The following ABCA13 variants were observed in gnomAD, a reference collection of about 807,000 sequenced individuals.
ABCA13 encodes ATP binding cassette subfamily A member 13, also known as ATP-binding cassette sub-family A member 13.
In ABCA13, 476 loss-of-function variants were observed where a neutral mutation model predicts 478.7. The ratio of observed to expected loss-of-function variants is 0.99; its 90% CI spans 0.92 to 1.07. ABCA13 has a LOEUF of 1.07. Among genes scored for constraint, ABCA13 ranks in the 50% least tolerant of loss-of-function variants. ABCA13 has a pLI of 0.00. For missense variants in ABCA13, 6,060 were observed against 5,910.6 expected (o/e 1.03, Z -0.83); for synonymous variants, 2,252 against 2,158.9 (o/e 1.04, Z -1.20).
Position 48,249,240 on chromosome 7 carries a change from T to G in ABCA13, c.1894T>G (p.Phe632Val). 1.2e-6 allele frequency: 2 copies of G among 1,612,342 alleles called. No homozygotes were observed. The highest frequency in any genetic ancestry group is 1.7e-6 in the Non-Finnish European group (2 of 1,179,034). The change falls in exon 15 of 62, where the codon TTT (phenylalanine) becomes GTT (valine). Residue 632 changes from phenylalanine to valine, a missense_variant. Around this residue, in one of 3 missense-constraint regions of ABCA13, gnomAD observed 4,423 missense variants for 4,309.1 expected, o/e 1.03. Coordinates refer to ENST00000435803, the MANE Select transcript of ABCA13 (RefSeq NM_152701.5). ...ATTTCATACACTTGAAAAAACACAA[T>G]TTTTCCTGGAACAAGCATATTATTG... ...VIFHTLEKTQFFLEQAYYWKA... is the reference protein window; with the variant it reads ...VIFHTLEKTQVFLEQAYYWKA...
Position 48,189,050 on chromosome 7 carries a change from A to G in ABCA13, c.70-3909A>G, listed in dbSNP as rs571954087. Among the ~76,000 whole-genome samples, 13 of 152,106 alleles carry G rather than the reference A, an allele frequency of 8.5e-5. No homozygotes were observed. The South Asian group carries it at 2.7e-3, about 32-fold the overall frequency. ...CTGCTAATAGGTTTACCAGACGGTT[A>G]TTTTTCTTGAGAGGAGAGCCTGTGG... On this transcript the variant is annotated intron_variant, in intron 1 of 61. Transcript: ENST00000435803.
intron 35 of ABCA13, among the ~76,000 whole-genome samples, chr7:48,386,900 G>T (rs903414946): frequency 1.3e-5 from 2 of 152,114 alleles, no homozygotes; most frequent in Non-Finnish European, 2.9e-5. Flanking sequence ...TCTAACTAAA[G>T]AGCTTCTGCA....
chr7:48,483,312 T>A, intron 47 of ABCA13, 149 bp downstream of exon 47: 1 of 688,012 alleles, frequency 1.5e-6, no homozygotes, highest in Non-Finnish European at 2.3e-6. Context: ...ATGTAAACAT[T>A]GTCTTGAAAA....
chr7:48,392,570 A>G (rs2129056994), intron 38 of ABCA13, among the ~76,000 whole-genome samples: 1 of 152,254 alleles, frequency 6.6e-6, no homozygotes, highest in East Asian at 1.9e-4. Context: ...TGTCACACAC[A>G]CACACAAAGA....
intron 3 of ABCA13, among the ~76,000 whole-genome samples, chr7:48,215,810 G>A (rs183632741): frequency 9.9e-5 from 15 of 152,220 alleles, no homozygotes; most frequent in East Asian, 7.7e-4. Context: ...TTTCTGTCTC[G>A]ATAGATTTTA....
At position 48,520,233 on chromosome 7, in the gene ABCA13, C is replaced by T. The variant is rs747378703; in HGVS notation, c.13990C>T (p.Gln4664Ter). The change falls in exon 53 of 62, where the codon CAG becomes TAG. Residue 4664 changes from glutamine (Q) to a stop codon, truncating the protein, a stop_gained. Coordinates refer to ENST00000435803, the MANE Select transcript of ABCA13 (RefSeq NM_152701.5). LOFTEE classifies it high-confidence loss of function. ...CTGGATCTTCGTGCAACTGGCCTCGCAGGGCACAGTACTTCTCCTCTTGAG... is the reference window on the plus strand; with the variant it reads ...CTGGATCTTCGTGCAACTGGCCTCGTAGGGCACAGTACTTCTCCTCTTGAG... ...LGWIFVQLASQGTVLLLLRVL... is the reference protein window; with the variant it reads ...LGWIFVQLAS 1.2e-6 allele frequency: 2 copies of T among 1,613,574 alleles called. No individual in the cohort carries two copies. Among genetic ancestry groups the T allele is most frequent in the South Asian group, 1.1e-5 (1 of 91,070 alleles).
At position 48,478,603 on chromosome 7, in the gene ABCA13, G is replaced by A. The variant is rs922774407; in HGVS notation, c.12976-2433G>A. 1.8e-4 allele frequency among the ~76,000 whole-genome samples: 27 copies of A among 152,162 alleles called. 1 individual carries two copies. The highest frequency in any genetic ancestry group is 5.5e-4 in the African/African-American group (23 of 41,502). ...GGATCCTGGCAAATCAGGTTATGGC[G>A]GGAGAAGACGCATTCTGTACTGGGA... On this transcript the variant is annotated intron_variant, in intron 45 of 61. Transcript: ENST00000435803.
In ABCA13 at chr7:48,254,462, G is replaced by A. The variant is rs143140062; in HGVS notation, c.2005+5111G>A. 1.2e-4 allele frequency among the ~76,000 whole-genome samples: 18 copies of A among 152,060 alleles called. No individual in the cohort carries two copies. The East Asian group carries it at 3.5e-3, about 29-fold the overall frequency. ...TATTTTATTTTTTTGTTAAGATAGG[G>A]TCTTGCTATATTGCCCAGGCTAATC... On this transcript the variant is annotated intron_variant, in intron 15 of 61. Transcript: ENST00000435803.
intron 35 of ABCA13, among the ~76,000 whole-genome samples, chr7:48,386,565 A>G (rs1235612420): frequency 2.6e-5 from 4 of 152,176 alleles, no homozygotes. Flanking sequence ...CAGAATAGAG[A>G]ACCCAGAAAT....
chr7:48,473,413 T>C (rs1827731502), intron 45 of ABCA13, among the ~76,000 whole-genome samples: 1 of 152,164 alleles, frequency 6.6e-6, no homozygotes, highest in Admixed American at 6.5e-5. Flanking sequence ...GGAGGCCCCT[T>C]TCTGTGAGGG....
intron 6 of ABCA13, among the ~76,000 whole-genome samples, chr7:48,228,711 G>C (rs1049240582): frequency 2.0e-5 from 3 of 152,188 alleles, no homozygotes; most frequent in Non-Finnish European, 2.9e-5. Flanking sequence ...TTGTTATGAA[G>C]ATCTATTTGT....
At chr7:48,552,930 T>G (rs2131206923) in intron 55 of ABCA13, among the ~76,000 whole-genome samples, 1 of 151,696 alleles carries the variant, frequency 6.6e-6, no homozygotes, top group South Asian at 2.1e-4. Context: ...AACTACTTCT[T>G]GTACCCATTA....
At chr7:48,361,288 T>A (rs1170948083) in intron 31 of ABCA13, among the ~76,000 whole-genome samples, 2 of 151,680 alleles carry the variant, frequency 1.3e-5, no homozygotes, top group African/African-American at 2.4e-5. Flanking sequence ...ATTATTAAGA[T>A]CCTAGAAGAG....
chr7:48,634,116 A>G (rs1392015731), intron 59 of ABCA13, among the ~76,000 whole-genome samples: 1 of 152,236 alleles, frequency 6.6e-6, no homozygotes, highest in Non-Finnish European at 1.5e-5. Flanking sequence ...AATGATAAAC[A>G]AACTGCATTT....
intron 23 of ABCA13, among the ~76,000 whole-genome samples, chr7:48,302,502 C>A (rs1387876094): frequency 6.6e-6 from 1 of 152,120 alleles, no homozygotes; most frequent in African/African-American, 2.4e-5. Flanking sequence ...CTTCCAACCT[C>A]CACCCTCAAA....
At chr7:48,231,596 C>G (rs935102320) in intron 7 of ABCA13, among the ~76,000 whole-genome samples, 7 of 152,252 alleles carry the variant, frequency 4.6e-5, no homozygotes, top group Non-Finnish European at 8.8e-5. Context: ...TTCTGGGGTT[C>G]AGGATCCTGG....
At chr7:48,402,889 A>C (rs1191072522) in intron 38 of ABCA13, among the ~76,000 whole-genome samples, 1 of 152,234 alleles carries the variant, frequency 6.6e-6, no homozygotes, top group East Asian at 1.9e-4. Flanking sequence ...TGAGTGGTCA[A>C]GGGAAGGTTT....
At chr7:48,516,676 C>T (rs1439606361) in intron 51 of ABCA13, 49 bp from the exon 52 acceptor site, 1 of 1,580,852 alleles carries the variant, frequency 6.3e-7, no homozygotes, top group Admixed American at 1.7e-5. Context: ...GATAAAACTA[C>T]TGTAAATGTT....
At chr7:48,526,743 A>G (rs1212254019) in intron 54 of ABCA13, among the ~76,000 whole-genome samples, 1 of 152,156 alleles carries the variant, frequency 6.6e-6, no homozygotes, top group African/African-American at 2.4e-5. Context: ...AAAATATGGT[A>G]TTGTCATCTT....
Sources: allele counts gnomAD v4.1 joint callset (sites outside exome capture counted in the v4.1 genomes callset), GRCh38; gene constraint gnomAD v4.1.1; regional missense constraint gnomAD v4.1.1; transcripts MANE v1.5; gene names NCBI Gene and HGNC (gene_info 2026-07-23, HGNC 2026-07-21).